The following GABRG3 variants were observed in gnomAD, a reference collection of about 807,000 sequenced individuals.
GABRG3 encodes gamma-aminobutyric acid receptor subunit gamma-3.
Under a neutral mutation model 48.8 loss-of-function variants are expected in GABRG3, and 25 were observed. The ratio of observed to expected loss-of-function variants is 0.51; its 90% CI spans 0.37 to 0.72. The LOEUF (loss-of-function observed/expected upper bound fraction) is 0.72. GABRG3 is among the 30% of genes least tolerant of loss of function. The probability of loss-of-function intolerance (pLI) is 0.00; values close to 1 mark genes in which losing one functional copy is unlikely to be tolerated. For missense variants in GABRG3, 394 were observed against 577.9 expected, an observed-to-expected ratio of 0.68 and a Z score of 3.26; for synonymous variants, 227 against 217.6, an observed-to-expected ratio of 1.04 and a Z score of -0.38.
In GABRG3 at chr15:27,206,937, G is replaced by A. The variant is rs1214490089; in HGVS notation, c.271-119872G>A. ...CTCCATCCCTTTACTTGGAGCCTAT[G>A]GGTATCACTGCATGTGAGAGGTCTC... On this transcript the variant is annotated intron_variant, in intron 3 of 9. Coordinates refer to ENST00000615808, the MANE Select transcript of GABRG3 (RefSeq NM_033223.5). 2.0e-5 allele frequency among the ~76,000 whole-genome samples: 3 copies of A among 152,104 alleles called. No individual in the cohort carries two copies. In the East Asian group the frequency reaches 5.8e-4, roughly 29 times the overall value.
chr15:27,529,064 A>C (rs1051120494), intron 9 of GABRG3, among the ~76,000 whole-genome samples: 11 of 152,186 alleles, frequency 7.2e-5, no homozygotes, highest in Non-Finnish European at 1.3e-4. Flanking sequence ...TCCTACCCTC[A>C]AAATGACATG....
At chr15:27,012,049 A>G (rs1432974648) in intron 2 of GABRG3, among the ~76,000 whole-genome samples, 1 of 152,102 alleles carries the variant, frequency 6.6e-6, no homozygotes, top group Non-Finnish European at 1.5e-5. Context: ...ATATGCTATA[A>G]TTTATTAATA....
chr15:27,205,104 T>C (rs112965513), intron 3 of GABRG3, among the ~76,000 whole-genome samples: 6 of 152,132 alleles, frequency 3.9e-5, no homozygotes, highest in South Asian at 2.1e-4. Context: ...TGAATAGCGG[T>C]GGCGAGAGAA....
chr15:27,183,893 A>G (rs781647051), intron 3 of GABRG3, among the ~76,000 whole-genome samples: 11 of 152,218 alleles, frequency 7.2e-5, no homozygotes, highest in Non-Finnish European at 1.2e-4. Flanking sequence ...ATGGTTATTC[A>G]TCACCTCACA....
chr15:27,315,361 C>G (rs548886265), intron 3 of GABRG3, among the ~76,000 whole-genome samples: 1 of 152,160 alleles, frequency 6.6e-6, no homozygotes, highest in Non-Finnish European at 1.5e-5. Context: ...AGCCAGAACT[C>G]TCTTGAGTAG....
chr15:27,389,252 A>G (rs1305943875), intron 5 of GABRG3, among the ~76,000 whole-genome samples: 4 of 152,236 alleles, frequency 2.6e-5, no homozygotes, highest in South Asian at 2.1e-4. Context: ...GCCATGTTAA[A>G]CTATGAGATT....
intron 5 of GABRG3, among the ~76,000 whole-genome samples, chr15:27,376,187 G>C (rs1487765650): frequency 6.6e-6 from 1 of 152,212 alleles, no homozygotes; most frequent in African/African-American, 2.4e-5. Flanking sequence ...CTCACATCCA[G>C]GTCACACTCA....
chr15:27,423,011 C>G (rs1282837486), intron 5 of GABRG3, among the ~76,000 whole-genome samples: 1 of 152,056 alleles, frequency 6.6e-6, no homozygotes, highest in African/African-American at 2.4e-5. Flanking sequence ...AGTTAAATGT[C>G]TCTGCTCAGG....
At chr15:26,996,155 CA>C (rs1895336290) in intron 2 of GABRG3, among the ~76,000 whole-genome samples, 1 of 151,954 alleles carries the variant, frequency 6.6e-6, no homozygotes, top group Non-Finnish European at 1.5e-5. Context: ...AAGATTTATA[CA>C]ATTATATTAT....
chr15:26,986,538 A>AT (rs1194496332), intron 2 of GABRG3, among the ~76,000 whole-genome samples: 1 of 152,144 alleles, frequency 6.6e-6, no homozygotes, highest in Non-Finnish European at 1.5e-5. Flanking sequence ...GGATTGCACC[A>AT]TGCCACCCCT....
At chr15:27,380,603 T>A (rs9672177) in intron 5 of GABRG3, among the ~76,000 whole-genome samples, 55,552 of 151,888 alleles carry the variant, frequency 0.37, 10,520 homozygotes, top group African/African-American at 0.44. Context: ...AGGCTAACAT[T>A]TTCTCTAGCA....
At chr15:27,468,153 T>C (rs953143495) in intron 5 of GABRG3, among the ~76,000 whole-genome samples, 3 of 152,174 alleles carry the variant, frequency 2.0e-5, no homozygotes, top group Non-Finnish European at 4.4e-5. Flanking sequence ...CTTGACACCA[T>C]CGTGAGAAGG....
At chr15:27,505,942 T>C (rs1435877979) in intron 6 of GABRG3, among the ~76,000 whole-genome samples, 1 of 152,240 alleles carries the variant, frequency 6.6e-6, no homozygotes, top group Non-Finnish European at 1.5e-5. Flanking sequence ...TATAGGTTTA[T>C]TCAGGTTATT....
At chr15:27,102,877 A>T (rs1271929483) in intron 3 of GABRG3, among the ~76,000 whole-genome samples, 2 of 152,232 alleles carry the variant, frequency 1.3e-5, no homozygotes, top group Non-Finnish European at 2.9e-5. Flanking sequence ...TACCACCGGC[A>T]TTAAAAACTA....
chr15:27,131,814 G>A (rs866856060), intron 3 of GABRG3, among the ~76,000 whole-genome samples: 3 of 151,562 alleles, frequency 2.0e-5, no homozygotes, highest in Non-Finnish European at 4.4e-5. Context: ...GTTATTTTTC[G>A]TCTTTTTGAT....
chr15:27,315,424 G>T (rs1315268871), intron 3 of GABRG3, among the ~76,000 whole-genome samples: 2 of 152,200 alleles, frequency 1.3e-5, no homozygotes, highest in Non-Finnish European at 2.9e-5. Flanking sequence ...ACTCATTGCA[G>T]TTTTTGAAAT....
Position 27,538,140 on chromosome 15 carries a change from C to T in GABRG3, c.*5259C>T, listed in dbSNP as rs1011595871. On this transcript the variant is annotated 3_prime_UTR_variant, in exon 10 of 10. Transcript: ENST00000615808. ...TACAGGCGTGAGCCACCGCGCCCAACCTGTATTTACTTTTTTAATGCCACC... is the reference window on the plus strand; with the variant it reads ...TACAGGCGTGAGCCACCGCGCCCAATCTGTATTTACTTTTTTAATGCCACC... The T allele has an allele frequency of 1.3e-5, 2 of 152,240 alleles. No individual in the cohort carries two copies. The highest frequency in any genetic ancestry group is 2.4e-5 in the African/African-American group (1 of 41,444). 9.4% of individuals were successfully genotyped at this position (152,240 alleles called of 1,614,324 possible).
intron 3 of GABRG3, among the ~76,000 whole-genome samples, chr15:27,083,912 A>G (rs1382255661): frequency 2.0e-5 from 3 of 152,186 alleles, no homozygotes; most frequent in South Asian, 4.1e-4. Flanking sequence ...CTGTGAAGGT[A>G]AGCTGCCAAC....
chr15:27,280,711 T>G (rs897267529), intron 3 of GABRG3, among the ~76,000 whole-genome samples: 2 of 152,198 alleles, frequency 1.3e-5, no homozygotes, highest in Admixed American at 1.3e-4. Flanking sequence ...TGGTTTCAAT[T>G]CTTTTAAATT....
Sources: allele counts gnomAD v4.1 joint callset (sites outside exome capture counted in the v4.1 genomes callset), GRCh38; gene constraint gnomAD v4.1.1; transcripts MANE v1.5; gene names NCBI Gene and HGNC (gene_info 2026-07-23, HGNC 2026-07-21).